The following GRIK1 variants were observed in gnomAD, a reference collection of about 807,000 sequenced individuals.
GRIK1 encodes glutamate ionotropic receptor kainate type subunit 1, also known as glutamate receptor ionotropic, kainate 1.
A neutral mutation model predicts 105.7 loss-of-function variants in GRIK1; 69 were observed. The ratio of observed to expected loss-of-function variants is 0.65; its 90% CI spans 0.54 to 0.80. GRIK1 has a LOEUF of 0.80. Among genes scored for constraint, GRIK1 ranks in the 30% least tolerant of loss-of-function variants. GRIK1 has a pLI of 0.00. For synonymous variants in GRIK1, 438 were observed against 431.3 expected, an observed-to-expected ratio of 1.02 and a Z score of -0.19; for missense variants, 1,109 against 1,167.3, an observed-to-expected ratio of 0.95 and a Z score of 0.73.
At chr21:29,645,433 A>G (rs1185502416) in intron 6 of GRIK1, among the ~76,000 whole-genome samples, 6 of 152,196 alleles carry the variant, frequency 3.9e-5, no homozygotes, top group African/African-American at 1.4e-4. Flanking sequence ...CTGGAATTCT[A>G]ATAATCTGAC....
chr21:29,591,084 C>T (rs777511804), intron 10 of GRIK1, 28 bp downstream of exon 10: 19 of 1,193,924 alleles, frequency 1.6e-5, no homozygotes, highest in Middle Eastern at 1.9e-4. Context: ...CTGGATAAGA[C>T]ACCCTCAATT....
intron 1 of GRIK1, among the ~76,000 whole-genome samples, chr21:29,927,905 T>C (rs994609820): frequency 6.6e-5 from 10 of 151,758 alleles, no homozygotes; most frequent in Non-Finnish European, 1.5e-4. Flanking sequence ...AACAAAAATA[T>C]ACATATACAC....
intron 16 of GRIK1, among the ~76,000 whole-genome samples, chr21:29,551,389 C>T (rs1487647924): frequency 6.6e-6 from 1 of 152,158 alleles, no homozygotes; most frequent in Non-Finnish European, 1.5e-5. Context: ...GGTAACTTGC[C>T]TGCAGTCATT....
intron 1 of GRIK1, among the ~76,000 whole-genome samples, chr21:29,931,261 T>C (rs2071554247): frequency 6.6e-6 from 1 of 152,240 alleles, no homozygotes; most frequent in Non-Finnish European, 1.5e-5. Context: ...CTAATCTTCT[T>C]AGGCTTATCT....
Position 29,880,964 on chromosome 21 carries a change from C to T in GRIK1, c.118+58419G>A, listed in dbSNP as rs143760108. Among the ~76,000 whole-genome samples, 281 of 152,110 alleles carry T rather than the reference C, an allele frequency of 1.8e-3. 1 individual carries two copies. Among genetic ancestry groups the T allele is most frequent in the Middle Eastern group, 3.4e-3 (1 of 294 alleles). ...GTGAAGATCTCTGAGGTTAGTAGTG[C>T]CCCAGGTTGGGTGCCACTGAACAAC... On this transcript the variant is annotated intron_variant, in intron 1 of 17. Transcript: ENST00000327783.
Position 29,601,323 on chromosome 21 carries a change from C to A in GRIK1, c.1099-2386G>T, listed in dbSNP as rs1179768070. The A allele has an allele frequency of 5.6e-5, 24 of 429,748 alleles. 1 individual carries two copies. The highest frequency in any genetic ancestry group is 1.1e-4 in the Non-Finnish European group (22 of 201,002). 26.6% of individuals were successfully genotyped at this position (429,748 alleles called of 1,614,324 possible). On this transcript the variant is annotated intron_variant, in intron 7 of 17. Transcript: ENST00000327783. Reference sequence around the variant, plus strand: ...CCTTTAGACTCAGACTAGACTTACACCAGCCAGCTTTCCAGGGTCTCTAGT... The same window carrying A: ...CCTTTAGACTCAGACTAGACTTACAACAGCCAGCTTTCCAGGGTCTCTAGT...
At chr21:29,813,100 A>C (rs2067056975) in intron 1 of GRIK1, among the ~76,000 whole-genome samples, 1 of 152,106 alleles carries the variant, frequency 6.6e-6, no homozygotes, top group African/African-American at 2.4e-5. Flanking sequence ...CAGAGCATGC[A>C]ATACTCCTCT....
At chr21:29,905,960 T>C (rs577436874) in intron 1 of GRIK1, among the ~76,000 whole-genome samples, 2 of 146,526 alleles carry the variant, frequency 1.4e-5, no homozygotes, top group Non-Finnish European at 2.9e-5. Context: ...TTTGTTTGTT[T>C]GTTTTAAATA....
intron 7 of GRIK1, among the ~76,000 whole-genome samples, chr21:29,632,371 T>G (rs1448067959): frequency 2.0e-5 from 3 of 152,040 alleles, no homozygotes; most frequent in African/African-American, 7.2e-5. Flanking sequence ...GTAAATACTT[T>G]TGGAATGGAT....
chr21:29,660,976 G>T (rs913031990), intron 4 of GRIK1, among the ~76,000 whole-genome samples: 5 of 152,218 alleles, frequency 3.3e-5, no homozygotes, highest in African/African-American at 1.2e-4. Context: ...GAGCTTCAGT[G>T]TGTAGCTCTT....
intron 4 of GRIK1, 25 bp from the exon 5 acceptor site, chr21:29,654,888 G>C: frequency 7.2e-7 from 1 of 1,387,098 alleles, no homozygotes. Context: ...TAAGGGGAAA[G>C]AATCAGGAAC....
chr21:29,644,694 G>T (rs1053658479), intron 6 of GRIK1, among the ~76,000 whole-genome samples: 1 of 152,112 alleles, frequency 6.6e-6, no homozygotes, highest in Non-Finnish European at 1.5e-5. Flanking sequence ...TCATTGCCAG[G>T]GTTTGAGCCT....
At chr21:29,654,056 A>G (rs2062797080) in intron 5 of GRIK1, among the ~76,000 whole-genome samples, 1 of 152,210 alleles carries the variant, frequency 6.6e-6, no homozygotes, top group Non-Finnish European at 1.5e-5. Flanking sequence ...GGTCAAATTT[A>G]GCTAATATAC....
At chr21:29,727,262 A>T (rs536119202) in intron 1 of GRIK1, among the ~76,000 whole-genome samples, 1 of 152,266 alleles carries the variant, frequency 6.6e-6, no homozygotes, top group South Asian at 2.1e-4. Flanking sequence ...AAAGGATAGG[A>T]ACATATTTTT....
At chr21:29,780,994 A>T (rs1357576752) in intron 1 of GRIK1, among the ~76,000 whole-genome samples, 1 of 152,182 alleles carries the variant, frequency 6.6e-6, no homozygotes, top group Non-Finnish European at 1.5e-5. Flanking sequence ...ACACATTCCC[A>T]TCTGGAATAG....
intron 4 of GRIK1, among the ~76,000 whole-genome samples, chr21:29,665,441 A>G (rs2063041345): frequency 1.3e-5 from 2 of 152,218 alleles, no homozygotes; most frequent in Non-Finnish European, 2.9e-5. Context: ...AATTATCATC[A>G]AATTAGTATA....
chr21:29,642,901 C>G lies in GRIK1; in HGVS notation c.1023G>C (p.Leu341=). 6.2e-7 allele frequency: 1 copy of G among 1,614,018 alleles called. No individual in the cohort carries two copies. The highest frequency in any genetic ancestry group is 8.5e-7 in the Non-Finnish European group (1 of 1,179,860). The change falls in exon 7 of 18, where the codon CTG becomes CTC. Residue 341 remains leucine (L), a synonymous_variant. Coordinates refer to ENST00000327783, the MANE Select transcript of GRIK1 (RefSeq NM_001330994.2). ...VAIASHRASQ[L]TVSSLQCHRH... ...TATGGCACTGCAGGGAGCTGACGGTCAGCTGGGATGCCCGGTGCGAGGCAA... is the reference window on the plus strand; with the variant it reads ...TATGGCACTGCAGGGAGCTGACGGTGAGCTGGGATGCCCGGTGCGAGGCAA...
intron 1 of GRIK1, among the ~76,000 whole-genome samples, chr21:29,873,977 A>C (rs1265543346): frequency 3.9e-5 from 6 of 152,172 alleles, no homozygotes; most frequent in Non-Finnish European, 8.8e-5. Context: ...CAGATCCCTC[A>C]CATGTCCAAT....
intron 1 of GRIK1, among the ~76,000 whole-genome samples, chr21:29,728,206 C>A (rs1233038642): frequency 6.6e-6 from 1 of 152,184 alleles, no homozygotes; most frequent in Admixed American, 6.5e-5. Flanking sequence ...CACTGAGGTT[C>A]AAGCTGAAGT....
Sources: allele counts gnomAD v4.1 joint callset (sites outside exome capture counted in the v4.1 genomes callset), GRCh38; gene constraint gnomAD v4.1.1; transcripts MANE v1.5; gene names NCBI Gene and HGNC (gene_info 2026-07-23, HGNC 2026-07-21).